DMD: variants seen among roughly 807,000 people sequenced by gnomAD.
DMD encodes dystrophin, also known as mutant dystrophin.
DMD carries 63 observed loss-of-function variants against 330.1 expected under a neutral mutation model. The ratio of observed to expected loss-of-function variants is 0.19; its 90% CI spans 0.16 to 0.24. The LOEUF is 0.24. DMD is among the 10% of genes least tolerant of loss of function. The pLI is 1.00. For missense variants in DMD, 3,344 were observed against 2,684.1 expected (o/e 1.25, Z -5.43); for synonymous variants, 1,223 against 959.8 (o/e 1.27, Z -5.07).
chrX:32,380,582 A>G lies in DMD; in HGVS notation c.4773T>C (p.Asp1591=), dbSNP rs886044358. 2.5e-6 allele frequency: 3 copies of G among 1,210,191 alleles called. No individual in the cohort carries two copies. Among genetic ancestry groups the G allele is most frequent in the African/African-American group, 3.5e-5 (2 of 57,663 alleles). The change falls in exon 34 of 79, where the codon GAT becomes GAC. Residue 1591 remains aspartate (D), a synonymous_variant. Coordinates refer to ENST00000357033, the MANE Select transcript of DMD (RefSeq NM_004006.3). Reference sequence around the variant, plus strand: ...CTGCTGATCTCTTTGTCAATTCCATATCTGTAGCTGCCAGCCATTCTGTCA... The same window carrying G: ...CTGCTGATCTCTTTGTCAATTCCATGTCTGTAGCTGCCAGCCATTCTGTCA... ...NVLTEWLAAT[D]MELTKRSAVE...
chrX:32,850,244 G>A lies in DMD; in HGVS notation c.94-424C>T, dbSNP rs1034493943. 3.6e-5 allele frequency among the ~76,000 whole-genome samples: 4 copies of A among 111,425 alleles called. No homozygotes were observed. The South Asian group carries it at 1.5e-3, about 42-fold the overall frequency. On this transcript the variant is annotated intron_variant, in intron 2 of 78. Coordinates refer to ENST00000357033, the MANE Select transcript of DMD (RefSeq NM_004006.3). ...TGGAATATACCAGTCAGAGTGGTTC[G>A]ACATCCTTATCACTCAAAACATGCT...
Position 32,796,260 on chromosome X carries a change from T to C in DMD, c.649+13233A>G, listed in dbSNP as rs190687515. On this transcript the variant is annotated intron_variant, in intron 7 of 78. Transcript: ENST00000357033. ...GAACAAATGGATAAAGAAAATGTGG[T>C]ACATATATACAGTGGAATACTCTTC... Among the ~76,000 whole-genome samples the C allele has an allele frequency of 3.5e-3, 395 of 111,406 alleles. 2 individuals are homozygous for C. The highest frequency in any genetic ancestry group is 0.012 in the African/African-American group (377 of 30,654).
chrX:31,343,912 G>A (rs768808697), intron 61 of DMD, among the ~76,000 whole-genome samples: 1 of 109,726 alleles, frequency 9.1e-6, no homozygotes, highest in Non-Finnish European at 1.9e-5. Flanking sequence ...ATTCATTGGT[G>A]GGGGGAAGCT....
chrX:33,239,025 G>A (rs1216414754), intron 1 of DMD, among the ~76,000 whole-genome samples: 1 of 109,903 alleles, frequency 9.1e-6, no homozygotes, highest in African/African-American at 3.3e-5. Context: ...GGGAGGCTGA[G>A]GGGGTTAGAT....
chrX:32,501,654 T>C lies in DMD; in HGVS notation c.2380+101A>G. On this transcript the variant is annotated intron_variant, in intron 19 of 78. Transcript: ENST00000357033. ...ACAAACACCTTTTAATTTAAATTTG[T>C]ATTTAACAAGTGCTTGTCTGATATA... The C allele has an allele frequency of 5.0e-6, 3 of 599,349 alleles. No individual in the cohort carries two copies. The South Asian group carries it at 7.8e-5, about 16-fold the overall frequency. 49.4% of individuals were successfully genotyped at this position (599,349 alleles called of 1,213,427 possible).
chrX:32,600,932 G>A (rs1006001140), intron 12 of DMD, among the ~76,000 whole-genome samples: 1 of 110,747 alleles, frequency 9.0e-6, no homozygotes, highest in African/African-American at 3.3e-5. Context: ...AGATACTAAT[G>A]ATCATGTTAA....
At chrX:32,545,915 A>AT (rs749396008) in intron 16 of DMD, among the ~76,000 whole-genome samples, 45 of 110,121 alleles carry the variant, frequency 4.1e-4, no homozygotes, top group African/African-American at 1.4e-3. Flanking sequence ...TAGTCCATAT[A>AT]TATCTTTATG....
chrX:31,958,097 T>TTC (rs2095264557), intron 45 of DMD, among the ~76,000 whole-genome samples: 1 of 67,914 alleles, frequency 1.5e-5, no homozygotes, highest in Admixed American at 1.5e-4. Flanking sequence ...ATTTGGCCTG[T>TTC]TTTTTTTTTT....
At chrX:31,854,793 G>A (rs2093588297) in intron 48 of DMD, among the ~76,000 whole-genome samples, 1 of 111,592 alleles carries the variant, frequency 9.0e-6, no homozygotes, top group African/African-American at 3.3e-5. Context: ...GGGTTTCTCA[G>A]CTTCAGCCCT....
intron 7 of DMD, among the ~76,000 whole-genome samples, chrX:32,758,101 C>T (rs1225534143): frequency 2.7e-5 from 3 of 111,988 alleles, no homozygotes; most frequent in Non-Finnish European, 5.6e-5. Context: ...TCTTTATTAG[C>T]TTTTCCTTCT....
At position 31,798,761 on chromosome X, in the gene DMD, T is replaced by C; in HGVS notation, c.7309+21214A>G. Among the ~76,000 whole-genome samples, 2 of 111,219 alleles carry C rather than the reference T, an allele frequency of 1.8e-5. 1 individual carries two copies. The highest frequency in any genetic ancestry group is 8.4e-3 in the Middle Eastern group (2 of 238). ...ATATACATTTAACATCATTTTAGAT[T>C]ATATGAAAGGCAGTAAAGCAAAACA... On this transcript the variant is annotated intron_variant, in intron 50 of 78. Coordinates refer to ENST00000357033, the MANE Select transcript of DMD (RefSeq NM_004006.3).
At chrX:31,992,682 TA>T (rs1464347571) in intron 44 of DMD, among the ~76,000 whole-genome samples, 3 of 111,550 alleles carry the variant, frequency 2.7e-5, no homozygotes, top group Non-Finnish European at 3.8e-5. Flanking sequence ...TTGCACTTGA[TA>T]TTTTTTTCAA....
intron 2 of DMD, among the ~76,000 whole-genome samples, chrX:32,862,134 A>G (rs1334290421): frequency 8.9e-6 from 1 of 112,029 alleles, no homozygotes; most frequent in African/African-American, 3.2e-5. Context: ...TCTCTCTACC[A>G]AAAAAAGCAC....
intron 15 of DMD, among the ~76,000 whole-genome samples, 182 bp from the exon 16 acceptor site, chrX:32,566,063 C>A (rs922266011): frequency 9.0e-6 from 1 of 111,714 alleles, no homozygotes; most frequent in African/African-American, 3.3e-5. Flanking sequence ...CTAATTATCC[C>A]AAGAAGTTTG....
At chrX:32,738,883 G>C (rs945296642) in intron 7 of DMD, among the ~76,000 whole-genome samples, 3 of 111,831 alleles carry the variant, frequency 2.7e-5, no homozygotes, top group Admixed American at 1.9e-4. Flanking sequence ...AATTCAATTA[G>C]AATATAATTA....
intron 1 of DMD, among the ~76,000 whole-genome samples, chrX:33,255,604 A>G (rs1260092497): frequency 1.8e-5 from 2 of 110,943 alleles, no homozygotes; most frequent in Non-Finnish European, 3.8e-5. Context: ...TATGATTTTG[A>G]TGCTTCAATA....
chrX:32,386,287 T>C (rs1268550728), intron 33 of DMD, 23 bp downstream of exon 33: 1 of 1,206,626 alleles, frequency 8.3e-7, no homozygotes, highest in Admixed American at 2.2e-5. Flanking sequence ...AAAGAAGTGT[T>C]TGTGGTCTCA....
At chrX:31,652,750 T>G in intron 54 of DMD, among the ~76,000 whole-genome samples, 2 of 111,489 alleles carry the variant, frequency 1.8e-5, no homozygotes, top group Non-Finnish European at 3.8e-5. Flanking sequence ...TCACTGATGA[T>G]CTTAGTAAGT....
At position 32,365,048 on chromosome X, in the gene DMD, C is replaced by T. The variant is rs1047334468; in HGVS notation, c.4997G>A (p.Arg1666Gln). The stretch of plus-strand genomic sequence containing the variant: ...CAAAAGATTTAACCACTCTTCTGCT[C>T]GGGAGGTGACAGCTATCCAGTTACT... The part of the protein sequence containing the change: ...LNSNWIAVTS[R>Q]AEEWLNLLLE... The change falls in exon 35 of 79, where the codon CGA becomes CAA. Residue 1666 changes from arginine (R) to glutamine (Q), a missense_variant. Arg to Gln is a conservative substitution (Grantham distance 43). Coordinates refer to ENST00000357033, the MANE Select transcript of DMD (RefSeq NM_004006.3). The T allele has an allele frequency of 5.0e-6, 6 of 1,208,477 alleles. No homozygotes were observed. The highest frequency in any genetic ancestry group is 6.7e-6 in the Non-Finnish European group (6 of 894,760).
Sources: gnomAD v4.1 joint callset for allele counts (sites outside exome capture counted in the v4.1 genomes callset) on GRCh38, gnomAD v4.1.1 for gene constraint, MANE v1.5 for transcripts, NCBI Gene and HGNC (gene_info 2026-07-23, HGNC 2026-07-21) for gene names.